The following NKAIN3 variants were observed in gnomAD, a reference collection of about 807,000 sequenced individuals.
NKAIN3 encodes the protein sodium/potassium transporting ATPase interacting 3.
A neutral mutation model predicts 30.2 loss-of-function variants in NKAIN3; 25 were observed. That is an observed-to-expected ratio of 0.83 (90% CI 0.60 to 1.16). The LOEUF is 1.16. NKAIN3 is among the 50% of genes most tolerant of loss of function. The pLI is 0.00. For synonymous variants in NKAIN3, 91 were observed against 89.6 expected (o/e 1.02, Z -0.09); for missense variants, 225 against 254.1 (o/e 0.89, Z 0.78).
intron 4 of NKAIN3, among the ~76,000 whole-genome samples, chr8:62,869,346 C>T (rs1342313958): frequency 2.6e-5 from 4 of 152,122 alleles, no homozygotes; most frequent in South Asian, 2.1e-4. Flanking sequence ...CCCTGACATG[C>T]GCAGGTGTGT....
At chr8:62,864,016 G>A in intron 4 of NKAIN3, 1 of 724,720 alleles carries the variant, frequency 1.4e-6, no homozygotes, top group Non-Finnish European at 2.5e-6. Flanking sequence ...CAGCTTTGTA[G>A]GGTGTTTCTC....
intron 1 of NKAIN3, among the ~76,000 whole-genome samples, chr8:62,428,973 G>A (rs1804905321): frequency 6.6e-6 from 1 of 151,846 alleles, no homozygotes; most frequent in Non-Finnish European, 1.5e-5. Flanking sequence ...TCTTAGATTT[G>A]AGTCTTTAAT....
intron 1 of NKAIN3, among the ~76,000 whole-genome samples, chr8:62,329,055 G>A (rs963987159): frequency 9.9e-5 from 15 of 152,002 alleles, no homozygotes; most frequent in Non-Finnish European, 1.8e-4. Context: ...TGTCCCAGGA[G>A]GTGAGGATCT....
intron 4 of NKAIN3, among the ~76,000 whole-genome samples, chr8:62,748,460 T>C (rs62512371): frequency 0.034 from 5,206 of 152,296 alleles, 142 homozygotes; most frequent in Non-Finnish European, 0.053. Context: ...TATTGCTTCG[T>C]TGGCTACAGC....
intron 3 of NKAIN3, 144 bp from the exon 4 acceptor site, chr8:62,746,788 G>T: frequency 1.7e-6 from 1 of 584,580 alleles, no homozygotes. Flanking sequence ...GCAGCCACTT[G>T]GGGCTTTGTC....
At chr8:62,842,539 C>T (rs1819565440) in intron 4 of NKAIN3, among the ~76,000 whole-genome samples, 1 of 151,912 alleles carries the variant, frequency 6.6e-6, no homozygotes. Context: ...CACAATACAC[C>T]CCAGATAACC....
chr8:62,628,913 T>G (rs890830020), intron 3 of NKAIN3, among the ~76,000 whole-genome samples: 2 of 152,166 alleles, frequency 1.3e-5, no homozygotes, highest in African/African-American at 4.8e-5. Flanking sequence ...ACACCTAGCA[T>G]AGTGGCTGCA....
At chr8:62,345,466 C>CATATGT (rs1815934891) in intron 1 of NKAIN3, among the ~76,000 whole-genome samples, 1 of 17,038 alleles carries the variant, frequency 5.9e-5, no homozygotes, top group African/African-American at 1.4e-4. Flanking sequence ...TATATATACA[C>CATATGT]ATATATACAC....
At chr8:62,407,520 G>C (rs1804112430) in intron 1 of NKAIN3, among the ~76,000 whole-genome samples, 1 of 150,726 alleles carries the variant, frequency 6.6e-6, no homozygotes, top group African/African-American at 2.4e-5. Flanking sequence ...GCTTCAGTCT[G>C]TGGAGTAGCT....
intron 4 of NKAIN3, among the ~76,000 whole-genome samples, chr8:62,812,813 G>A (rs1818534209): frequency 6.6e-6 from 1 of 151,668 alleles, no homozygotes; most frequent in Non-Finnish European, 1.5e-5. Flanking sequence ...CACTTTAACT[G>A]CCTCATGTTA....
At chr8:62,449,621 T>C (rs928734735) in intron 1 of NKAIN3, among the ~76,000 whole-genome samples, 4 of 152,128 alleles carry the variant, frequency 2.6e-5, no homozygotes, top group Non-Finnish European at 5.9e-5. Flanking sequence ...GGTTCATGTA[T>C]ACCTGATTGA....
At chr8:62,704,641 A>C (rs1258286855) in intron 3 of NKAIN3, among the ~76,000 whole-genome samples, 2 of 152,202 alleles carry the variant, frequency 1.3e-5, no homozygotes, top group Non-Finnish European at 2.9e-5. Flanking sequence ...TTGACTCTCC[A>C]GCTGGTCAGA....
chr8:62,705,902 T>C (rs1006550726), intron 3 of NKAIN3, among the ~76,000 whole-genome samples: 2 of 152,072 alleles, frequency 1.3e-5, no homozygotes, highest in African/African-American at 4.8e-5. Flanking sequence ...TTGATCTTTA[T>C]GGCAGGAGCC....
Position 62,424,074 on chromosome 8 carries a change from G to A in NKAIN3, c.55-155465G>A, listed in dbSNP as rs541993325. Among the ~76,000 whole-genome samples the A allele has an allele frequency of 1.8e-4, 28 of 151,824 alleles. No individual in the cohort carries two copies. The South Asian group carries it at 5.6e-3, about 30-fold the overall frequency. The stretch of plus-strand genomic sequence containing the variant: ...CACATTCTTTATCAACACCTCCCAG[G>A]CTCTTCACAATTAATGCTGGAATAA... On this transcript the variant is annotated intron_variant, in intron 1 of 6. Transcript: ENST00000623646.
At chr8:62,773,401 G>A (rs77992834) in intron 4 of NKAIN3, among the ~76,000 whole-genome samples, 1,618 of 152,100 alleles carry the variant, frequency 0.011, 26 homozygotes, top group African/African-American at 0.034. Context: ...TCTCTATTCC[G>A]TTCCATTGAT....
At chr8:62,530,792 C>A (rs1472144008) in intron 1 of NKAIN3, among the ~76,000 whole-genome samples, 1 of 152,012 alleles carries the variant, frequency 6.6e-6, no homozygotes, top group African/African-American at 2.4e-5. Flanking sequence ...GTGTGTGCCA[C>A]CACACCTGGC....
chr8:62,356,694 C>T (rs962252004), intron 1 of NKAIN3, among the ~76,000 whole-genome samples: 6 of 152,050 alleles, frequency 3.9e-5, no homozygotes, highest in African/African-American at 1.4e-4. Context: ...TCAGAGTAAT[C>T]GACATAAAGG....
chr8:62,614,699 G>A (rs1811395743), intron 3 of NKAIN3, among the ~76,000 whole-genome samples: 1 of 152,144 alleles, frequency 6.6e-6, no homozygotes, highest in African/African-American at 2.4e-5. Flanking sequence ...TTGTGGCTGA[G>A]CTGGCACTCA....
At chr8:62,742,126 T>G (rs1284359811) in intron 3 of NKAIN3, among the ~76,000 whole-genome samples, 1 of 65,146 alleles carries the variant, frequency 1.5e-5, no homozygotes, top group Non-Finnish European at 3.9e-5. Flanking sequence ...AACATGTATA[T>G]CTTATATATA....
Sources: gnomAD v4.1 joint callset for allele counts (sites outside exome capture counted in the v4.1 genomes callset) on GRCh38, gnomAD v4.1.1 for gene constraint, MANE v1.5 for transcripts, NCBI Gene and HGNC (gene_info 2026-07-23, HGNC 2026-07-21) for gene names.